Variants in GABRB1 observed in about 807,000 individuals in gnomAD.
GABRB1 encodes gamma-aminobutyric acid receptor subunit beta-1.
GABRB1 carries 17 observed loss-of-function variants against 51.6 expected under a neutral mutation model. The ratio of observed to expected loss-of-function variants is 0.33; its 90% confidence interval spans 0.23 to 0.49. The LOEUF is 0.49. GABRB1 is among the 20% of genes least tolerant of loss of function. The pLI is 0.99. For synonymous variants in GABRB1, 247 were observed against 218.9 expected, an observed-to-expected ratio of 1.13 and a Z score of -1.14; for missense variants, 410 against 600.6, an observed-to-expected ratio of 0.68 and a Z score of 3.32.
intron 4 of GABRB1, among the ~76,000 whole-genome samples, chr4:47,218,145 T>A (rs568647357): frequency 6.6e-6 from 1 of 151,996 alleles, no homozygotes; most frequent in Admixed American, 6.6e-5. Context: ...GTTCCATCCA[T>A]GTTGCTGCAA....
chr4:47,021,363 T>G (rs1049270342), intron 1 of GABRB1, among the ~76,000 whole-genome samples: 3 of 152,296 alleles, frequency 2.0e-5, no homozygotes, highest in Admixed American at 1.3e-4. Context: ...CACTTTGATT[T>G]AGTGGTTTTA....
intron 3 of GABRB1, among the ~76,000 whole-genome samples, chr4:47,128,999 T>A (rs1041383320): frequency 6.6e-6 from 1 of 152,058 alleles, no homozygotes; most frequent in Non-Finnish European, 1.5e-5. Context: ...TAAGGAAGAA[T>A]AAAATAGTAT....
intron 4 of GABRB1, among the ~76,000 whole-genome samples, chr4:47,317,534 A>T (rs1003171384): frequency 1.3e-5 from 2 of 152,020 alleles, no homozygotes; most frequent in African/African-American, 4.8e-5. Context: ...CCATATGATC[A>T]TAGGAACAGA....
At chr4:47,031,831 T>TG in intron 1 of GABRB1, 83 bp from the exon 2 acceptor site, 1 of 1,492,126 alleles carries the variant, frequency 6.7e-7, no homozygotes, top group South Asian at 1.1e-5. Flanking sequence ...TCTTGTTGTT[T>TG]GGGGGTAGGT....
At chr4:47,345,750 C>T (rs1692256369) in intron 5 of GABRB1, among the ~76,000 whole-genome samples, 1 of 152,112 alleles carries the variant, frequency 6.6e-6, no homozygotes, top group African/African-American at 2.4e-5. Context: ...TTACTCCGGA[C>T]CTCATGTCAC....
At chr4:47,153,795 G>C (rs1717566338) in intron 3 of GABRB1, among the ~76,000 whole-genome samples, 4 of 151,992 alleles carry the variant, frequency 2.6e-5, no homozygotes, top group Admixed American at 2.6e-4. Context: ...CAAAAAGTCT[G>C]ACTACACAGT....
intron 3 of GABRB1, among the ~76,000 whole-genome samples, chr4:47,123,477 TATTAC>T (rs1330206380): frequency 1.6e-4 from 17 of 103,972 alleles, no homozygotes; most frequent in Admixed American, 6.5e-4. Flanking sequence ...TATTATAATA[TATTAC>T]ATTATTTCAT....
chr4:47,306,616 G>T (rs537855225), intron 4 of GABRB1, among the ~76,000 whole-genome samples: 1 of 151,970 alleles, frequency 6.6e-6, no homozygotes, highest in Admixed American at 6.6e-5. Flanking sequence ...AAATTACTGT[G>T]TATCCTTTCA....
chr4:47,123,705 AATATGATATATGAT>A (rs1274349585), intron 3 of GABRB1, among the ~76,000 whole-genome samples: 1 of 16,360 alleles, frequency 6.1e-5, no homozygotes, highest in Non-Finnish European at 1.1e-4. Flanking sequence ...TTATATATAT[AATATGATATATGAT>A]ATATGATATA....
At chr4:47,210,490 A>C (rs943276582) in intron 4 of GABRB1, among the ~76,000 whole-genome samples, 1 of 152,138 alleles carries the variant, frequency 6.6e-6, no homozygotes, top group Admixed American at 6.6e-5. Context: ...GTTCCATTTA[A>C]GGTAACTATT....
At chr4:47,141,270 T>C (rs1490800086) in intron 3 of GABRB1, among the ~76,000 whole-genome samples, 1 of 151,984 alleles carries the variant, frequency 6.6e-6, no homozygotes, top group Non-Finnish European at 1.5e-5. Flanking sequence ...TCCATCAGCC[T>C]GCTTCATTCT....
intron 1 of GABRB1, among the ~76,000 whole-genome samples, chr4:47,000,433 CT>C (rs1299117907): frequency 1.3e-5 from 2 of 152,152 alleles, no homozygotes; most frequent in African/African-American, 2.4e-5. Context: ...CACTATGTTA[CT>C]TTTTTTATAT....
chr4:47,218,154 A>G (rs894009357), intron 4 of GABRB1, among the ~76,000 whole-genome samples: 3 of 151,922 alleles, frequency 2.0e-5, no homozygotes, highest in African/African-American at 7.2e-5. Context: ...ATGTTGCTGC[A>G]AATGACAGGA....
At chr4:47,185,970 G>A (rs914482175) in intron 4 of GABRB1, among the ~76,000 whole-genome samples, 1 of 151,764 alleles carries the variant, frequency 6.6e-6, no homozygotes, top group South Asian at 2.1e-4. Context: ...AGTACCATGC[G>A]TGGCTATGCT....
At chr4:47,350,584 A>G (rs75600891) in intron 5 of GABRB1, among the ~76,000 whole-genome samples, 1,807 of 152,162 alleles carry the variant, frequency 0.012, 38 homozygotes, top group African/African-American at 0.042. Flanking sequence ...ATGAATATTA[A>G]TGCCTTACTT....
chr4:47,272,403 T>A (rs1200531939), intron 4 of GABRB1, among the ~76,000 whole-genome samples: 1 of 152,192 alleles, frequency 6.6e-6, no homozygotes, highest in Non-Finnish European at 1.5e-5. Context: ...CATTTTTACA[T>A]TTTATTTTAT....
chr4:47,217,700 T>A (rs1560589796), intron 4 of GABRB1, among the ~76,000 whole-genome samples: 2 of 151,776 alleles, frequency 1.3e-5, no homozygotes, highest in African/African-American at 4.8e-5. Flanking sequence ...TTTCTTTCTC[T>A]CTTTTTTATT....
intron 3 of GABRB1, among the ~76,000 whole-genome samples, chr4:47,054,054 T>TA (rs1577864243): frequency 1.6e-4 from 24 of 151,338 alleles, no homozygotes; most frequent in South Asian, 1.5e-3. Flanking sequence ...ATTGACTTTT[T>TA]TAAAAAAAAA....
intron 5 of GABRB1, among the ~76,000 whole-genome samples, chr4:47,348,010 G>A (rs952284959): frequency 2.0e-5 from 3 of 152,106 alleles, no homozygotes; most frequent in Non-Finnish European, 2.9e-5. Flanking sequence ...TGGAGAAAAC[G>A]TTTTAAAAAG....
Sources: gnomAD v4.1 joint callset for allele counts (sites outside exome capture counted in the v4.1 genomes callset) on GRCh38, gnomAD v4.1.1 for gene constraint, MANE v1.5 for transcripts, NCBI Gene and HGNC (gene_info 2026-07-23, HGNC 2026-07-21) for gene names.